DEFB134: variants seen among roughly 807,000 people sequenced by gnomAD.
DEFB134 encodes beta-defensin 134.
In DEFB134, 7 loss-of-function variants were observed where a neutral mutation model predicts 7.4. The observed-to-expected ratio is 0.95, with a 90% CI of 0.54 to 1.79. The LOEUF (loss-of-function observed/expected upper bound fraction) is 1.79, where lower values mean the gene tolerates loss of function less well. Ranked by LOEUF, DEFB134 falls within the 40% of genes most tolerant of loss-of-function variation. The pLI is 0.00. For missense variants in DEFB134, 105 were observed against 74.8 expected (o/e 1.40, Z -1.49); for synonymous variants, 33 against 25.0 (o/e 1.32, Z -0.96).
chr8:11,997,178 T>TA (rs1250222584), upstream of DEFB134, among the ~76,000 whole-genome samples: 1 of 152,262 alleles, frequency 6.6e-6, no homozygotes, highest in Non-Finnish European at 1.5e-5. Flanking sequence ...ATATATTCTA[T>TA]ACTCTTTCTT....
intron 1 of DEFB134, among the ~76,000 whole-genome samples, chr8:11,995,521 C>T (rs753677498): frequency 1.3e-5 from 2 of 152,174 alleles, no homozygotes; most frequent in African/African-American, 2.4e-5. Flanking sequence ...CAGGGCCACT[C>T]ACACTCTCTG....
upstream of DEFB134, among the ~76,000 whole-genome samples, chr8:11,998,321 C>A (rs1800178634): frequency 6.6e-6 from 1 of 151,676 alleles, no homozygotes; most frequent in African/African-American, 2.4e-5. Context: ...TGTGATGGTG[C>A]ACGACTGTAG....
At chr8:11,994,567 C>T (rs1315740600) in intron 1 of DEFB134, among the ~76,000 whole-genome samples, 1 of 152,186 alleles carries the variant, frequency 6.6e-6, no homozygotes, top group Admixed American at 6.5e-5. Context: ...TAAAGTTTGT[C>T]TAAGCCACAG....
At chr8:11,999,748 G>C (rs1800222926), upstream of DEFB134, among the ~76,000 whole-genome samples, 1 of 152,196 alleles carries the variant, frequency 6.6e-6, no homozygotes, top group Admixed American at 6.5e-5. Context: ...TTCACTGTAG[G>C]TGCCACGAGT....
exon 2 of DEFB134, chr8:11,994,010 C>A (rs971440702): frequency 1.2e-6 from 2 of 1,613,928 alleles, no homozygotes; most frequent in Non-Finnish European, 1.7e-6. Context: ...TGACACAGCA[C>A]TCCAGCTGAA....
upstream of DEFB134, among the ~76,000 whole-genome samples, chr8:11,998,012 A>G (rs918877716): frequency 6.6e-6 from 1 of 152,216 alleles, no homozygotes; most frequent in African/African-American, 2.4e-5. Flanking sequence ...GCATGCCAGT[A>G]ACATTCTCAG....
Position 11,993,612 on chromosome 8 carries a change from C to A in DEFB134, c.*368G>T, listed in dbSNP as rs190467790. The A allele has an allele frequency of 2.1e-4, 35 of 168,070 alleles. No homozygotes were observed. In the East Asian group the frequency reaches 5.6e-3, roughly 27 times the overall value. 10.4% of individuals were successfully genotyped at this position (168,070 alleles called of 1,614,324 possible). A position where few individuals can be genotyped will look rare whatever the true frequency, so the allele number is the denominator to read the frequency against. ...GGGAATTTCACAGAAATGGGAAATG[C>A]GAAGCTGAAGCGAAGGTAGGACACG... is the stretch of plus-strand genomic sequence containing the variant. On this transcript the variant is annotated 3_prime_UTR_variant, in exon 2 of 2. Transcript: ENST00000526438.
upstream of DEFB134, among the ~76,000 whole-genome samples, chr8:12,000,370 G>A (rs1460024264): frequency 6.6e-6 from 1 of 152,138 alleles, no homozygotes; most frequent in African/African-American, 2.4e-5. Context: ...AGTCTAGCAG[G>A]CCATCAGTGC....
At chr8:11,994,333 T>C (rs1800062161) in intron 1 of DEFB134, among the ~76,000 whole-genome samples, 2 of 152,156 alleles carry the variant, frequency 1.3e-5, no homozygotes, top group Admixed American at 6.5e-5. Context: ...TGACTGTCTT[T>C]AGAGATAGGG....
In DEFB134 at chr8:11,994,046, AC is replaced by A. The variant is rs1371897830; in HGVS notation, c.134del (p.Ser45MetfsTer4). On this transcript the variant is annotated frameshift_variant, in exon 2 of 2. Coordinates refer to ENST00000526438, the Ensembl canonical transcript of DEFB134. LOFTEE classifies it high-confidence loss of function. ...ACATACAGTAGGCAACTAACATTTCACTCTCATAGCATTCAAGTCTGCAGAT... is the reference window on the plus strand; with the variant it reads ...ACATACAGTAGGCAACTAACATTTCATCTCATAGCATTCAAGTCTGCAGAT... 9 of 1,613,690 alleles carry A rather than the reference AC, an allele frequency of 5.6e-6. No individual in the cohort carries two copies. The highest frequency in any genetic ancestry group is 7.6e-6 in the Non-Finnish European group (9 of 1,179,878).
chr8:11,996,223 AAGAC>A lies in DEFB134; in HGVS notation c.25_28del (p.Val9PhefsTer12). ...CAGCACTGGATCCCAAAGGAAAAGAAAGACAAACACAACAAGGAGAGGCTTCATG... is the reference window on the plus strand; with the variant it reads ...CAGCACTGGATCCCAAAGGAAAAGAAAAACACAACAAGGAGAGGCTTCATG... On this transcript the variant is annotated frameshift_variant, in exon 1 of 2. Transcript: ENST00000526438. LOFTEE classifies it high-confidence loss of function. 1 of 1,613,804 alleles carries A rather than the reference AAGAC, an allele frequency of 6.2e-7. No individual in the cohort carries two copies. Among genetic ancestry groups the A allele is most frequent in the Non-Finnish European group, 8.5e-7 (1 of 1,179,740 alleles).
chr8:11,995,497 G>C (rs910380338), intron 1 of DEFB134, among the ~76,000 whole-genome samples: 1 of 152,164 alleles, frequency 6.6e-6, no homozygotes, highest in Non-Finnish European at 1.5e-5. Context: ...AAAGGATATG[G>C]TGAAGCTAGA....
upstream of DEFB134, among the ~76,000 whole-genome samples, chr8:12,000,023 G>C (rs1800230443): frequency 6.6e-6 from 1 of 152,168 alleles, no homozygotes; most frequent in Non-Finnish European, 1.5e-5. Flanking sequence ...ATCTGTGGTT[G>C]TTCTGCAACT....
rs76653584 is a variant in DEFB134 at position 11,994,004 on chromosome 8, A to G, written c.177T>C (p.Cys59=). Reference sequence around the variant, plus strand: ...GTCAGGGTGCAGGATTTCCTTTGACACAGCACTCCAGCTGAAACATACAGT... The same window carrying G: ...GTCAGGGTGCAGGATTTCCTTTGACGCAGCACTCCAGCTGAAACATACAGT... The change falls in exon 2 of 2, where the codon TGT becomes TGC. Residue 59 remains cysteine, a synonymous_variant. Coordinates refer to ENST00000526438, the Ensembl canonical transcript of DEFB134. The G allele has an allele frequency of 6.5e-3, 10,426 of 1,613,824 alleles. 529 individuals carry two copies. The African/African-American group carries it at 0.12, about 18-fold the overall frequency.
upstream of DEFB134, among the ~76,000 whole-genome samples, chr8:12,000,734 G>A (rs1340981940): frequency 6.6e-6 from 1 of 152,098 alleles, no homozygotes; most frequent in Non-Finnish European, 1.5e-5. Flanking sequence ...TTCTTCTTGT[G>A]CTGATGTAAG....
chr8:11,998,598 A>G (rs545335603), upstream of DEFB134, among the ~76,000 whole-genome samples: 1 of 152,260 alleles, frequency 6.6e-6, no homozygotes, highest in South Asian at 2.1e-4. Flanking sequence ...AGTTAGAGAG[A>G]TCTCAAATTA....
At chr8:11,996,080 T>C in intron 1 of DEFB134, 114 bp downstream of exon 2, 1 of 1,316,990 alleles carries the variant, frequency 7.6e-7, no homozygotes, top group Non-Finnish European at 1.1e-6. Flanking sequence ...AGTTGATGCT[T>C]TTTTCTAGCT....
At chr8:11,993,298 C>T (rs1279250359) in exon 2 of DEFB134, 3 of 152,240 alleles carry the variant, frequency 2.0e-5, no homozygotes, top group Non-Finnish European at 4.4e-5. Context: ...TGGCATCACT[C>T]TGCTGCTAAG....
At chr8:11,997,567 C>G (rs149557967), upstream of DEFB134, among the ~76,000 whole-genome samples, 1 of 152,236 alleles carries the variant, frequency 6.6e-6, no homozygotes, top group East Asian at 1.9e-4. Flanking sequence ...ACAGTGGTTG[C>G]TATTCTTATT....
Sources: gnomAD v4.1 joint callset for allele counts (sites outside exome capture counted in the v4.1 genomes callset) on GRCh38, gnomAD v4.1.1 for gene constraint, MANE v1.5 for transcripts, NCBI Gene and HGNC (gene_info 2026-07-23, HGNC 2026-07-21) for gene names.